Variants in GRB10 observed in about 807,000 individuals in gnomAD.
GRB10 encodes growth factor receptor bound protein 10.
A neutral mutation model predicts 80.9 loss-of-function variants in GRB10; 20 were observed. The observed-to-expected ratio is 0.25, with a 90% CI of 0.17 to 0.36. The LOEUF is 0.36. Ranked by LOEUF, GRB10 falls within the 10% of genes least tolerant of loss-of-function variation. The pLI, the probability that GRB10 is intolerant of heterozygous loss-of-function variation, is 1.00. For synonymous variants in GRB10, 291 were observed against 291.5 expected (o/e 1.00, Z 0.02); for missense variants, 548 against 747.7 (o/e 0.73, Z 3.12).
At chr7:50,713,487 T>C (rs916662719) in intron 4 of GRB10, among the ~76,000 whole-genome samples, 1 of 144,074 alleles carries the variant, frequency 6.9e-6, no homozygotes, top group African/African-American at 2.7e-5. Flanking sequence ...CCAACTCCTC[T>C]ACCATCTCCA....
At chr7:50,601,399 A>G (rs1346314675) in intron 17 of GRB10, among the ~76,000 whole-genome samples, 1 of 152,214 alleles carries the variant, frequency 6.6e-6, no homozygotes, top group Non-Finnish European at 1.5e-5. Context: ...ACTAAAGAGA[A>G]ACTGAAACAA....
chr7:50,713,689 G>A (rs1392026995), intron 4 of GRB10, among the ~76,000 whole-genome samples: 1 of 27,308 alleles, frequency 3.7e-5, no homozygotes, highest in Non-Finnish European at 7.1e-5. Context: ...CTCCTCCATT[G>A]TCACCTCCAC....
chr7:50,647,925 A>C (rs2057445048), intron 7 of GRB10, among the ~76,000 whole-genome samples: 2 of 152,004 alleles, frequency 1.3e-5, no homozygotes, highest in African/African-American at 4.8e-5. Context: ...GGGAATTTGG[A>C]GGTATCATGT....
chr7:50,742,896 G>A (rs2072154053), intron 3 of GRB10, among the ~76,000 whole-genome samples: 1 of 152,028 alleles, frequency 6.6e-6, no homozygotes. Flanking sequence ...CACTTCCTGG[G>A]GGCTGGGAAG....
chr7:50,793,434 T>A (rs1034424965), exon 1 of GRB10: 4 of 146,994 alleles, frequency 2.7e-5, no homozygotes, highest in African/African-American at 9.9e-5. Context: ...CGCAGCTCGC[T>A]TCCCTCTCTG....
intron 3 of GRB10, among the ~76,000 whole-genome samples, chr7:50,740,731 G>GAAACCCAAACA: frequency 6.6e-6 from 1 of 151,230 alleles, no homozygotes; most frequent in Admixed American, 6.6e-5. Flanking sequence ...ACATTCATTC[G>GAAACCCAAACA]AAACCCAAAC....
At chr7:50,641,587 G>A (rs2056281639) in intron 7 of GRB10, among the ~76,000 whole-genome samples, 2 of 152,244 alleles carry the variant, frequency 1.3e-5, no homozygotes, top group African/African-American at 2.4e-5. Flanking sequence ...TAAGGACAAT[G>A]ACAGCAGCTG....
chr7:50,667,467 C>G (rs1219317203), intron 7 of GRB10, among the ~76,000 whole-genome samples: 3 of 152,096 alleles, frequency 2.0e-5, no homozygotes, highest in Admixed American at 6.5e-5. Context: ...CTCTTTTCCT[C>G]AAGCAAGGGG....
At position 50,792,246 on chromosome 7, in the gene GRB10, C is replaced by G. The variant is rs145650135; in HGVS notation, c.-294+978G>C. Among the ~76,000 whole-genome samples, 1,246 of 152,108 alleles carry G rather than the reference C, an allele frequency of 8.2e-3. 23 individuals carry two copies. Among genetic ancestry groups the G allele is most frequent in the African/African-American group, 0.028 (1,167 of 41,498 alleles). ...TTGTTTTGGTCTTTCCCCCCTCCCC[C>G]CCATCTCTTGAATGAAACTGGGCAC... On this transcript the variant is annotated intron_variant, in intron 1 of 16. Coordinates refer to the GRB10 transcript ENST00000335866.
chr7:50,786,797 G>C (rs891272875), upstream of GRB10, among the ~76,000 whole-genome samples: 6 of 152,174 alleles, frequency 3.9e-5, no homozygotes, highest in Admixed American at 1.3e-4. Context: ...TGAGATCCAA[G>C]AGAAAGGCAA....
At position 50,614,854 on chromosome 7, in the gene GRB10, G is replaced by T. The variant is rs375141551; in HGVS notation, c.1011C>A (p.Ala337=). The change falls in exon 12 of 19, where the codon GCC becomes GCA. Residue 337 remains alanine (A), a synonymous_variant. Transcript: ENST00000401949. ...AGAAGATGTTGCTGTCCTCCAGGTC[G>T]GCCAGCAGCTGCAGGTGTCTGGGTT... ...SKEPRHLQLL[A]DLEDSNIFSL... is the part of the protein sequence containing the mutation. 1 of 1,613,788 alleles carries T rather than the reference G, an allele frequency of 6.2e-7. No individual in the cohort carries two copies. The highest frequency in any genetic ancestry group is 8.5e-7 in the Non-Finnish European group (1 of 1,179,788).
intron 5 of GRB10, among the ~76,000 whole-genome samples, chr7:50,701,516 A>T (rs1338290034): frequency 1.3e-5 from 2 of 152,194 alleles, no homozygotes; most frequent in Non-Finnish European, 2.9e-5. Context: ...ACTTGAGTCT[A>T]GGAGTTCAAG....
chr7:50,743,053 T>C (rs543524459), intron 3 of GRB10, among the ~76,000 whole-genome samples: 4 of 152,102 alleles, frequency 2.6e-5, no homozygotes, highest in Non-Finnish European at 4.4e-5. Context: ...AACTCTTGGG[T>C]TTTTTGGCAT....
chr7:50,710,478 C>T (rs2065721026), intron 4 of GRB10, among the ~76,000 whole-genome samples: 2 of 152,190 alleles, frequency 1.3e-5, no homozygotes, highest in Admixed American at 6.5e-5. Context: ...CAACTAAACA[C>T]TACAAGATGC....
chr7:50,791,834 C>G (rs1162651735), intron 1 of GRB10, among the ~76,000 whole-genome samples: 1 of 152,186 alleles, frequency 6.6e-6, no homozygotes, highest in Non-Finnish European at 1.5e-5. Flanking sequence ...CATCTAGAAT[C>G]ATTCCTGGAA....
chr7:50,608,144 G>A (rs2153572915), intron 13 of GRB10, among the ~76,000 whole-genome samples: 1 of 152,312 alleles, frequency 6.6e-6, no homozygotes, highest in South Asian at 2.1e-4. Flanking sequence ...TCAGGGTGTA[G>A]GATAAGTAAG....
At chr7:50,765,950 T>C (rs1463263915) in intron 2 of GRB10, among the ~76,000 whole-genome samples, 1 of 152,174 alleles carries the variant, frequency 6.6e-6, no homozygotes, top group Non-Finnish European at 1.5e-5. Context: ...GAAACTATGT[T>C]TATCTATTAT....
rs1025105792 is a variant in GRB10, at chr7:50,699,995, C to A, written c.139+3826G>T. Among the ~76,000 whole-genome samples the A allele has an allele frequency of 3.3e-5, 5 of 151,928 alleles. No individual in the cohort carries two copies. The East Asian group carries it at 9.7e-4, about 29-fold the overall frequency. On this transcript the variant is annotated intron_variant, in intron 5 of 18. Transcript: ENST00000401949. ...CTAAAAAATACCAAAAAAAATTAGC[C>A]GGGCGTGGTGGCGGGCACCTGTAGT...
At position 50,618,095 on chromosome 7, in the gene GRB10, A is replaced by G. The variant is rs747608702; in HGVS notation, c.822T>C (p.Asn274=). 2 of 1,614,126 alleles carry G rather than the reference A, an allele frequency of 1.2e-6. No individual in the cohort carries two copies. Among genetic ancestry groups the G allele is most frequent in the African/African-American group, 1.3e-5 (1 of 75,068 alleles). The part of the protein sequence containing the change: ...EQMVTWCQQS[N]GSQTQLLQNF... ...CCTGCAAAAGCTGGGTTTGACTGCC[A>G]TTTGACTGCTGGCACCAAGTAACCA... The change falls in exon 10 of 19, where the codon AAT becomes AAC. Residue 274 remains asparagine (N), a synonymous_variant. Coordinates refer to ENST00000401949, the MANE Select transcript of GRB10 (RefSeq NM_001350814.2).
Sources: gnomAD v4.1 joint callset for allele counts (sites outside exome capture counted in the v4.1 genomes callset) on GRCh38, gnomAD v4.1.1 for gene constraint, MANE v1.5 for transcripts, NCBI Gene and HGNC (gene_info 2026-07-23, HGNC 2026-07-21) for gene names.